Variants in MARCHF1 observed in about 807,000 individuals in gnomAD.
The protein encoded by MARCHF1 is membrane associated ring-CH-type finger 1, also known as E3 ubiquitin-protein ligase MARCHF1.
Under a neutral mutation model 54.2 loss-of-function variants are expected in MARCHF1, and 40 were observed. The ratio of observed to expected loss-of-function variants is 0.74; its 90% CI spans 0.57 to 0.96. MARCHF1 has a LOEUF of 0.96. Among genes scored for constraint, MARCHF1 ranks in the 40% least tolerant of loss-of-function variants. The pLI is 0.00. For synonymous variants in MARCHF1, 236 were observed against 236.3 expected (o/e 1.00, Z 0.01); for missense variants, 586 against 656.5 (o/e 0.89, Z 1.17).
chr4:163,848,875 A>T (rs1163913518), intron 4 of MARCHF1, among the ~76,000 whole-genome samples: 1 of 152,196 alleles, frequency 6.6e-6, no homozygotes, highest in Non-Finnish European at 1.5e-5. Flanking sequence ...AAAGGAAAAA[A>T]TAACTACTCT....
intron 4 of MARCHF1, among the ~76,000 whole-genome samples, chr4:163,850,749 C>A (rs1028449032): frequency 6.6e-6 from 1 of 152,186 alleles, no homozygotes; most frequent in Non-Finnish European, 1.5e-5. Context: ...GGCACTGAGT[C>A]TGCTGGGCTG....
At chr4:164,222,775 T>C (rs1040517010) in intron 1 of MARCHF1, among the ~76,000 whole-genome samples, 20 of 152,074 alleles carry the variant, frequency 1.3e-4, no homozygotes, top group Non-Finnish European at 1.6e-4. Context: ...GTTTATGACA[T>C]GTATTATTTG....
intron 5 of MARCHF1, among the ~76,000 whole-genome samples, chr4:163,692,028 G>C (rs1376716614): frequency 6.6e-6 from 1 of 152,218 alleles, no homozygotes; most frequent in African/African-American, 2.4e-5. Context: ...TTGTCTGGCA[G>C]AGGTTCCCTA....
intron 3 of MARCHF1, among the ~76,000 whole-genome samples, chr4:163,972,295 T>G (rs1343945496): frequency 6.6e-6 from 1 of 152,158 alleles, no homozygotes; most frequent in Non-Finnish European, 1.5e-5. Context: ...CATTTATACC[T>G]ATGTAACAAA....
chr4:163,827,372 T>A (rs1418820929), intron 4 of MARCHF1, among the ~76,000 whole-genome samples: 1 of 152,138 alleles, frequency 6.6e-6, no homozygotes, highest in Non-Finnish European at 1.5e-5. Flanking sequence ...GACACTTCCG[T>A]AGGAGATTAT....
At chr4:163,634,859 T>A (rs1742255558) in intron 5 of MARCHF1, among the ~76,000 whole-genome samples, 1 of 137,660 alleles carries the variant, frequency 7.3e-6, no homozygotes, top group African/African-American at 2.9e-5. Context: ...AAAGCTCTCC[T>A]CAGCAAATGT....
chr4:164,225,968 A>G (rs1484709237), intron 1 of MARCHF1, among the ~76,000 whole-genome samples: 1 of 152,094 alleles, frequency 6.6e-6, no homozygotes, highest in Non-Finnish European at 1.5e-5. Flanking sequence ...ACTGATGGCA[A>G]TATTACTAGT....
intron 1 of MARCHF1, among the ~76,000 whole-genome samples, chr4:164,229,255 T>C (rs905771969): frequency 6.6e-6 from 1 of 152,210 alleles, no homozygotes; most frequent in Non-Finnish European, 1.5e-5. Flanking sequence ...TAGGATAAGG[T>C]GGAAATGCTG....
At chr4:163,555,886 A>C in intron 8 of MARCHF1, 1 of 455,350 alleles carries the variant, frequency 2.2e-6, no homozygotes, top group Non-Finnish European at 4.4e-6. Flanking sequence ...TGGAATCTGC[A>C]CAGGTCTGTG....
chr4:163,610,995 G>A (rs1741321174), intron 7 of MARCHF1, among the ~76,000 whole-genome samples: 1 of 151,942 alleles, frequency 6.6e-6, no homozygotes, highest in Admixed American at 6.6e-5. Flanking sequence ...TAGCCTGCTT[G>A]TCACTTACTT....
At chr4:164,066,592 C>T (rs1364074115) in intron 2 of MARCHF1, among the ~76,000 whole-genome samples, 1 of 152,046 alleles carries the variant, frequency 6.6e-6, no homozygotes, top group African/African-American at 2.4e-5. Context: ...GCACTATTCA[C>T]AATAGCAAAG....
intron 1 of MARCHF1, among the ~76,000 whole-genome samples, chr4:164,310,356 G>A (rs568895728): frequency 2.6e-5 from 4 of 152,114 alleles, no homozygotes; most frequent in South Asian, 2.1e-4. Flanking sequence ...GATTACAGGC[G>A]TGAGCCACCA....
intron 3 of MARCHF1, among the ~76,000 whole-genome samples, chr4:163,866,125 G>A (rs1750042689): frequency 6.6e-6 from 1 of 151,264 alleles, no homozygotes; most frequent in South Asian, 2.1e-4. Context: ...TTTTTTTAAT[G>A]TCTCTAGTAT....
chr4:163,626,498 T>C (rs1488658947), intron 5 of MARCHF1, among the ~76,000 whole-genome samples: 1 of 152,246 alleles, frequency 6.6e-6, no homozygotes, highest in African/African-American at 2.4e-5. Flanking sequence ...ACATTAATTA[T>C]ACTCTGTAAA....
At chr4:164,247,952 T>C (rs1301716945) in intron 1 of MARCHF1, among the ~76,000 whole-genome samples, 1 of 151,490 alleles carries the variant, frequency 6.6e-6, no homozygotes, top group Non-Finnish European at 1.5e-5. Flanking sequence ...GAGATGTTTT[T>C]ACAGCCACAT....
chr4:164,118,397 T>A lies in MARCHF1; in HGVS notation c.-322-6735A>T, dbSNP rs184442753. ...AGAAACATACAAAGTTAAAAGAAAGTGGAAAAAGATATAAATATATATTTA... is the reference window on the plus strand; with the variant it reads ...AGAAACATACAAAGTTAAAAGAAAGAGGAAAAAGATATAAATATATATTTA... On this transcript the variant is annotated intron_variant, in intron 1 of 9. Coordinates refer to ENST00000514618, the MANE Select transcript of MARCHF1 (RefSeq NM_001394959.1). 8.0e-4 allele frequency among the ~76,000 whole-genome samples: 120 copies of A among 150,640 alleles called. 1 individual carries two copies. The highest frequency in any genetic ancestry group is 1.8e-3 in the Admixed American group (27 of 15,178).
At chr4:164,261,453 T>C (rs919079745) in intron 1 of MARCHF1, among the ~76,000 whole-genome samples, 17 of 152,308 alleles carry the variant, frequency 1.1e-4, no homozygotes, top group Middle Eastern at 3.4e-3. Context: ...AAAAAAATTA[T>C]GGTAACTCTT....
intron 4 of MARCHF1, among the ~76,000 whole-genome samples, chr4:163,711,284 C>T (rs373739754): frequency 2.8e-4 from 42 of 152,280 alleles, no homozygotes; most frequent in East Asian, 2.7e-3. Flanking sequence ...AAGTGCTTAA[C>T]ATTCCACTGA....
intron 3 of MARCHF1, among the ~76,000 whole-genome samples, chr4:163,956,563 G>A (rs536550209): frequency 6.6e-6 from 1 of 152,048 alleles, no homozygotes; most frequent in East Asian, 1.9e-4. Flanking sequence ...GATACCAGGT[G>A]GAACATTTTT....
Sources: gnomAD v4.1 joint callset for allele counts (sites outside exome capture counted in the v4.1 genomes callset) on GRCh38, gnomAD v4.1.1 for gene constraint, MANE v1.5 for transcripts, NCBI Gene and HGNC (gene_info 2026-07-23, HGNC 2026-07-21) for gene names.